Variants in CAMTA1 observed in about 807,000 individuals in gnomAD.
The protein encoded by CAMTA1 is calmodulin binding transcription activator 1, also known as calmodulin-binding transcription activator 1.
In CAMTA1, 27 loss-of-function variants were observed where a neutral mutation model predicts 170.9. The observed-to-expected ratio is 0.16, with a 90% CI of 0.12 to 0.22. CAMTA1 has a LOEUF of 0.22. Among genes scored for constraint, CAMTA1 ranks in the 10% least tolerant of loss-of-function variants. The pLI is 1.00. For synonymous variants in CAMTA1, 833 were observed against 891.5 expected (o/e 0.93, Z 1.17); for missense variants, 1,619 against 2,217.2 (o/e 0.73, Z 5.42).
At chr1:6,946,019 T>C (rs1333906711) in intron 3 of CAMTA1, among the ~76,000 whole-genome samples, 1 of 152,204 alleles carries the variant, frequency 6.6e-6, no homozygotes, top group Non-Finnish European at 1.5e-5. Flanking sequence ...CTTGGGCATA[T>C]ACCTAAGAGT....
chr1:6,995,285 T>TTTTAC (rs1451091978), intron 3 of CAMTA1, among the ~76,000 whole-genome samples: 61 of 140,256 alleles, frequency 4.3e-4, no homozygotes, highest in Non-Finnish European at 8.4e-4. Flanking sequence ...TAAAATCTTT[T>TTTTAC]TTTTCTTTTC....
intron 4 of CAMTA1, among the ~76,000 whole-genome samples, chr1:7,123,518 C>T (rs1644763996): frequency 6.6e-6 from 1 of 152,186 alleles, no homozygotes; most frequent in African/African-American, 2.4e-5. Context: ...CTGCGTGCCC[C>T]TGCCCTCTCC....
intron 3 of CAMTA1, among the ~76,000 whole-genome samples, chr1:7,049,946 T>G (rs558978241): frequency 2.3e-4 from 35 of 151,898 alleles, no homozygotes; most frequent in Middle Eastern, 6.8e-3. Context: ...GGATCCTCAG[T>G]GAGGAGTAAA....
chr1:7,061,719 G>A lies in CAMTA1; in HGVS notation c.235-29585G>A, dbSNP rs534850760. 1.2e-4 allele frequency among the ~76,000 whole-genome samples: 18 copies of A among 148,788 alleles called. No individual in the cohort carries two copies. In the East Asian group the frequency reaches 3.6e-3, roughly 30 times the overall value. On this transcript the variant is annotated intron_variant, in intron 3 of 22. Coordinates refer to ENST00000303635, the MANE Select transcript of CAMTA1 (RefSeq NM_015215.4). ...GGGTGGTGGCGGCAGAGGAGGGGGT[G>A]GGGTGGCGGGGAGAAGGGGCAGTGC...
rs1229217285 is a variant in CAMTA1, at chr1:7,548,451, G to A, written c.510+80550G>A. ...CCCCTTAGGAGTGGAGGTGCTGGTGGAGGGTGCCCCCTTAGGAGTGGAGGT... is the reference window on the plus strand; with the variant it reads ...CCCCTTAGGAGTGGAGGTGCTGGTGAAGGGTGCCCCCTTAGGAGTGGAGGT... On this transcript the variant is annotated intron_variant, in intron 6 of 22. Transcript: ENST00000303635. Among the ~76,000 whole-genome samples, 8 of 134,962 alleles carry A rather than the reference G, an allele frequency of 5.9e-5. No individual in the cohort carries two copies. The Admixed American group carries it at 6.0e-4, about 10-fold the overall frequency. The allele number at this position is 134,962 out of a possible 152,430, so 88.5% of individuals were successfully genotyped here.
intron 4 of CAMTA1, among the ~76,000 whole-genome samples, chr1:7,243,375 T>C (rs1665229302): frequency 6.6e-6 from 1 of 152,250 alleles, no homozygotes. Flanking sequence ...AACATATAAG[T>C]CTTTAATCCA....
At chr1:7,474,908 G>A (rs144809684) in intron 6 of CAMTA1, among the ~76,000 whole-genome samples, 169 of 152,296 alleles carry the variant, frequency 1.1e-3, no homozygotes, top group Non-Finnish European at 1.6e-3. Context: ...CCTCAGGAAG[G>A]ACTGCCCTGG....
At position 7,045,183 on chromosome 1, in the gene CAMTA1, C is replaced by T. The variant is rs188753418; in HGVS notation, c.235-46121C>T. Among the ~76,000 whole-genome samples, 241 of 152,108 alleles carry T rather than the reference C, an allele frequency of 1.6e-3. 1 individual carries two copies. The highest frequency in any genetic ancestry group is 5.5e-3 in the African/African-American group (227 of 41,490). ...ACTAATATCATCCCCACGTTTTAGACGCAAAGCAGTTCAAAGTGTTTAAAA... is the reference window on the plus strand; with the variant it reads ...ACTAATATCATCCCCACGTTTTAGATGCAAAGCAGTTCAAAGTGTTTAAAA... On this transcript the variant is annotated intron_variant, in intron 3 of 22. Transcript: ENST00000303635.
chr1:7,382,646 G>C (rs1210161802), intron 5 of CAMTA1: 1 of 152,224 alleles, frequency 6.6e-6, no homozygotes, highest in Non-Finnish European at 1.5e-5. Context: ...TAGCAAGGCT[G>C]GCCCAAGGAC....
chr1:7,154,609 G>C (rs914109364), intron 4 of CAMTA1, among the ~76,000 whole-genome samples: 10 of 152,148 alleles, frequency 6.6e-5, no homozygotes, highest in Admixed American at 6.5e-4. Context: ...CTCTAAAGAG[G>C]ACTGGATGAA....
intron 4 of CAMTA1, among the ~76,000 whole-genome samples, chr1:7,154,555 A>G (rs1646756704): frequency 6.6e-6 from 1 of 152,214 alleles, no homozygotes; most frequent in South Asian, 2.1e-4. Context: ...ACACTAAGGC[A>G]ATAATGAATT....
At chr1:7,488,464 T>A (rs1436385928) in intron 6 of CAMTA1, among the ~76,000 whole-genome samples, 2 of 152,032 alleles carry the variant, frequency 1.3e-5, no homozygotes, top group Non-Finnish European at 2.9e-5. Flanking sequence ...CTCAGCCTAT[T>A]TCTGCCCATC....
chr1:7,043,223 G>T (rs374740821), intron 3 of CAMTA1, among the ~76,000 whole-genome samples: 2 of 152,174 alleles, frequency 1.3e-5, no homozygotes, highest in Non-Finnish European at 2.9e-5. Context: ...AGAGGCAGGG[G>T]CCCTCCTCTT....
At chr1:7,628,462 G>A (rs1229832949) in intron 6 of CAMTA1, among the ~76,000 whole-genome samples, 7 of 152,240 alleles carry the variant, frequency 4.6e-5, no homozygotes, top group Admixed American at 4.6e-4. Context: ...AAAAGAGCTA[G>A]TGCACCAGAG....
At position 7,433,147 on chromosome 1, in the gene CAMTA1, T is replaced by C. The variant is rs370309879; in HGVS notation, c.439-34683T>C. 2.4e-3 allele frequency among the ~76,000 whole-genome samples: 370 copies of C among 152,358 alleles called. 1 individual carries two copies. The highest frequency in any genetic ancestry group is 8.5e-3 in the African/African-American group (352 of 41,582). On this transcript the variant is annotated intron_variant, in intron 5 of 22. Transcript: ENST00000303635. ...CCTGCCTCCTGCTCATGGAGGTCCC[T>C]GAGGGAGGAATTGCCCAGGAAATAG...
At chr1:7,121,535 A>G (rs1205692012) in intron 4 of CAMTA1, among the ~76,000 whole-genome samples, 2 of 152,208 alleles carry the variant, frequency 1.3e-5, no homozygotes, top group African/African-American at 4.8e-5. Context: ...GCATGGAGGC[A>G]CACATAACAG....
At chr1:6,837,179 A>G (rs930906270) in intron 3 of CAMTA1, among the ~76,000 whole-genome samples, 12 of 152,014 alleles carry the variant, frequency 7.9e-5, no homozygotes, top group Non-Finnish European at 1.2e-4. Flanking sequence ...GATGGGCTCG[A>G]TCTCCTGACC....
intron 4 of CAMTA1, among the ~76,000 whole-genome samples, chr1:7,108,865 A>G (rs1643860760): frequency 6.6e-6 from 1 of 152,200 alleles, no homozygotes; most frequent in African/African-American, 2.4e-5. Context: ...CCAGGTCTCA[A>G]GGTTTCTCTC....
chr1:7,628,636 C>G (rs1164458242), intron 6 of CAMTA1, among the ~76,000 whole-genome samples: 1 of 152,254 alleles, frequency 6.6e-6, no homozygotes, highest in Non-Finnish European at 1.5e-5. Flanking sequence ...TCTAGAGATG[C>G]CTCAATGACT....
Sources: allele counts gnomAD v4.1 joint callset (sites outside exome capture counted in the v4.1 genomes callset), GRCh38; gene constraint gnomAD v4.1.1; transcripts MANE v1.5; gene names NCBI Gene and HGNC (gene_info 2026-07-23, HGNC 2026-07-21).